The following BMPR2 variants were observed in gnomAD, a reference collection of about 807,000 sequenced individuals.
BMPR2 encodes the protein bone morphogenetic protein receptor type-2.
A neutral mutation model predicts 100.8 loss-of-function variants in BMPR2; 29 were observed. That is an observed-to-expected ratio of 0.29 (90% CI 0.21 to 0.39). The LOEUF (loss-of-function observed/expected upper bound fraction) is 0.39, where lower values mean the gene tolerates loss of function less well. Among genes scored for constraint, BMPR2 ranks in the 10% least tolerant of loss-of-function variants. The probability of loss-of-function intolerance (pLI) is 1.00; values close to 1 mark genes in which losing one functional copy is unlikely to be tolerated. For missense variants in BMPR2, 1,011 were observed against 1,274.5 expected, an observed-to-expected ratio of 0.79 and a Z score of 3.15; for synonymous variants, 382 against 442.3, an observed-to-expected ratio of 0.86 and a Z score of 1.71.
In BMPR2 at chr2:202,555,266, A is replaced by G; in HGVS notation, c.1601A>G (p.Asn534Ser). The G allele has an allele frequency of 6.2e-7, 1 of 1,614,134 alleles. No individual in the cohort carries two copies. The highest frequency in any genetic ancestry group is 8.5e-7 in the Non-Finnish European group (1 of 1,179,950). ...AMQNERNLSHNRRVPKIGPYP... is the reference protein window; with the variant it reads ...AMQNERNLSHSRRVPKIGPYP... Reference sequence around the variant, plus strand: ...CTTTCTTTAAGCAACCTGTCACATAATAGGCGTGTGCCAAAAATTGGTCCT... The same window carrying G: ...CTTTCTTTAAGCAACCTGTCACATAGTAGGCGTGTGCCAAAAATTGGTCCT... Residue 534 changes from asparagine to serine, a missense_variant, in exon 12 of 13, where the codon AAT (asparagine) becomes AGT (serine). This residue lies in a region of BMPR2 where 508 missense variants were observed against 552.0 expected (regional missense o/e 0.92). Coordinates refer to ENST00000374580, the MANE Select transcript of BMPR2 (RefSeq NM_001204.7).
chr2:202,391,493 T>C (rs1473569648), intron 1 of BMPR2, among the ~76,000 whole-genome samples: 1 of 150,998 alleles, frequency 6.6e-6, no homozygotes, highest in African/African-American at 2.4e-5. Context: ...TTTGTAGAGA[T>C]GGGGGCTAGG....
intron 1 of BMPR2, among the ~76,000 whole-genome samples, chr2:202,441,446 T>G (rs1368362228): frequency 2.0e-5 from 3 of 149,676 alleles, no homozygotes; most frequent in Admixed American, 1.3e-4. Flanking sequence ...GGCTCACGCC[T>G]GTAATCCCAG....
At position 202,518,985 on chromosome 2, in the gene BMPR2, T is replaced by C. The variant is rs759935686; in HGVS notation, c.785T>C (p.Val262Ala). 6.8e-6 allele frequency: 11 copies of C among 1,614,054 alleles called. No homozygotes were observed. The Admixed American group carries it at 1.7e-4, about 24-fold the overall frequency. Residue 262 changes from valine (V) to alanine (A), a missense_variant, in exon 6 of 13, where the codon GTT becomes GCT. Physicochemically the swap from Val to Ala is moderately conservative, Grantham distance 64. Coordinates refer to ENST00000374580, the MANE Select transcript of BMPR2 (RefSeq NM_001204.7). ...CATGACAACATTGCCCGCTTTATAG[T>C]TGGAGATGAGAGAGTCACTGCAGAT... Reference protein sequence around the residue: ...MEHDNIARFIVGDERVTADGR... With the variant: ...MEHDNIARFIAGDERVTADGR...
chr2:202,536,787 G>A (rs929512147), intron 9 of BMPR2, among the ~76,000 whole-genome samples: 6 of 148,320 alleles, frequency 4.0e-5, no homozygotes, highest in African/African-American at 9.9e-5. Context: ...CAGGAGAATC[G>A]CTTGAACCCG....
chr2:202,557,974 C>T (rs188115180), intron 12 of BMPR2, among the ~76,000 whole-genome samples: 1 of 152,176 alleles, frequency 6.6e-6, no homozygotes, highest in East Asian at 1.9e-4. Flanking sequence ...TTTTATCAAA[C>T]TAACCTTAAT....
At chr2:202,393,923 G>C (rs1255221017) in intron 1 of BMPR2, among the ~76,000 whole-genome samples, 1 of 133,292 alleles carries the variant, frequency 7.5e-6, no homozygotes, top group African/African-American at 3.0e-5. Context: ...GAGAGAGAGA[G>C]AGAGAGAGAG....
chr2:202,517,386 T>C (rs774928390), intron 5 of BMPR2, among the ~76,000 whole-genome samples: 92 of 150,362 alleles, frequency 6.1e-4, no homozygotes, highest in Non-Finnish European at 1.2e-3. Flanking sequence ...CAAGGCATGG[T>C]CTGGGGTCAC....
In BMPR2 at chr2:202,520,198, G is replaced by A; in HGVS notation, c.964G>A (p.Gly322Arg). Residue 322 changes from glycine to arginine, a missense_variant, in exon 7 of 13, where the codon GGA becomes AGA. Physicochemically the swap from Gly to Arg is moderately radical, Grantham distance 125. Around this residue, in one of 6 missense-constraint regions of BMPR2, gnomAD observed 355 missense variants for 455.3 expected, o/e 0.78. Transcript: ENST00000374580. ...TTATCTTCACACAGAATTACCACGAGGAGGTAAGATAGTCAATAGATGAAA... is the reference window on the plus strand; with the variant it reads ...TTATCTTCACACAGAATTACCACGAAGAGGTAAGATAGTCAATAGATGAAA... ...LAYLHTELPR[G>R]DHYKPAISHR... is the part of the protein sequence containing the mutation. The A allele has an allele frequency of 1.2e-6, 2 of 1,605,962 alleles. No individual in the cohort carries two copies. The highest frequency in any genetic ancestry group is 1.7e-6 in the Non-Finnish European group (2 of 1,172,832).
At chr2:202,484,937 C>T (rs1268017247) in intron 3 of BMPR2, among the ~76,000 whole-genome samples, 2 of 143,958 alleles carry the variant, frequency 1.4e-5, no homozygotes, top group Non-Finnish European at 3.0e-5. Context: ...CCACTGCACT[C>T]CAGCCTGGGC....
intron 3 of BMPR2, among the ~76,000 whole-genome samples, chr2:202,492,687 C>T (rs1341522835): frequency 3.6e-5 from 4 of 111,292 alleles, no homozygotes; most frequent in African/African-American, 1.1e-4. Flanking sequence ...GCGACAATAG[C>T]GAAGCTCTGT....
chr2:202,390,691 T>A (rs1052693810), intron 1 of BMPR2, among the ~76,000 whole-genome samples: 3 of 152,132 alleles, frequency 2.0e-5, no homozygotes, highest in Non-Finnish European at 4.4e-5. Context: ...CTTTTCAATT[T>A]TTGCCAGAGC....
At chr2:202,382,602 G>A (rs1266341423) in intron 1 of BMPR2, among the ~76,000 whole-genome samples, 4 of 152,224 alleles carry the variant, frequency 2.6e-5, no homozygotes, top group Admixed American at 1.3e-4. Context: ...GAAATACTTA[G>A]TGAATGAATA....
At chr2:202,455,840 C>G (rs1455263533) in intron 1 of BMPR2, among the ~76,000 whole-genome samples, 1 of 151,602 alleles carries the variant, frequency 6.6e-6, no homozygotes, top group Non-Finnish European at 1.5e-5. Flanking sequence ...CCAAGGTGGG[C>G]AGATCATGAG....
At chr2:202,484,993 GAAA>G (rs1218521385) in intron 3 of BMPR2, among the ~76,000 whole-genome samples, 7 of 139,680 alleles carry the variant, frequency 5.0e-5, no homozygotes, top group Non-Finnish European at 1.1e-4. Flanking sequence ...AAAAAAGAAA[GAAA>G]GAAGAAAAAA....
At chr2:202,502,017 T>C (rs868448170) in intron 3 of BMPR2, among the ~76,000 whole-genome samples, 1 of 152,226 alleles carries the variant, frequency 6.6e-6, no homozygotes, top group Non-Finnish European at 1.5e-5. Flanking sequence ...GTAACCATAC[T>C]TGAAAGCAAG....
chr2:202,555,200 A>C, intron 11 of BMPR2, 52 bp from the exon 12 acceptor site: 1 of 1,502,870 alleles, frequency 6.7e-7, no homozygotes, highest in South Asian at 1.1e-5. Context: ...TTGGAGAGAC[A>C]GTTTGTCATA....
chr2:202,427,319 CACT>C (rs1691406865), intron 1 of BMPR2, among the ~76,000 whole-genome samples: 1 of 146,572 alleles, frequency 6.8e-6, no homozygotes, highest in African/African-American at 2.5e-5. Flanking sequence ...GAGATCGCGC[CACT>C]GCACTTCAGC....
intron 3 of BMPR2, among the ~76,000 whole-genome samples, chr2:202,467,987 C>T (rs79709645): frequency 6.6e-6 from 1 of 151,782 alleles, no homozygotes; most frequent in African/African-American, 2.4e-5. Flanking sequence ...GCAGAGGTTG[C>T]AGTGAGCCAA....
chr2:202,555,115 TTTTAACCTTTA>T, intron 11 of BMPR2, 126 bp from the exon 12 acceptor site: 1 of 814,644 alleles, frequency 1.2e-6, no homozygotes, highest in Non-Finnish European at 2.0e-6. Flanking sequence ...TGATTAGACT[TTTTAACCTTTA>T]GAAAAATGTA....
Sources: gnomAD v4.1 joint callset for allele counts (sites outside exome capture counted in the v4.1 genomes callset) on GRCh38, gnomAD v4.1.1 for gene constraint, gnomAD v4.1.1 regional missense constraint, MANE v1.5 for transcripts, NCBI Gene and HGNC (gene_info 2026-07-23, HGNC 2026-07-21) for gene names.